PTPRT: variants seen among roughly 807,000 people sequenced by gnomAD.
PTPRT encodes protein tyrosine phosphatase receptor type T, also known as receptor-type tyrosine-protein phosphatase T.
In PTPRT, 56 loss-of-function variants were observed where a neutral mutation model predicts 176.8. The ratio of observed to expected loss-of-function variants is 0.32; its 90% CI spans 0.26 to 0.40. The LOEUF is 0.40. Among genes scored for constraint, PTPRT ranks in the 10% least tolerant of loss-of-function variants. PTPRT has a pLI of 1.00. For missense variants in PTPRT, 1,540 were observed against 1,908.2 expected (o/e 0.81, Z 3.60); for synonymous variants, 783 against 739.0 (o/e 1.06, Z -0.96).
At chr20:42,229,578 G>A (rs367776708) in intron 15 of PTPRT, among the ~76,000 whole-genome samples, 1 of 152,204 alleles carries the variant, frequency 6.6e-6, no homozygotes, top group Non-Finnish European at 1.5e-5. Context: ...CTGATGATGT[G>A]AAAAGGCATT....
chr20:43,160,889 G>A (rs2014675252), intron 1 of PTPRT, among the ~76,000 whole-genome samples: 1 of 151,150 alleles, frequency 6.6e-6, no homozygotes, highest in African/African-American at 2.4e-5. Context: ...ATTCACCAAG[G>A]TGGACACTTA....
chr20:42,912,552 T>C (rs1479190457), intron 1 of PTPRT, among the ~76,000 whole-genome samples: 1 of 152,208 alleles, frequency 6.6e-6, no homozygotes, highest in African/African-American at 2.4e-5. Context: ...TAAATACAAA[T>C]CATTTCCCAC....
intron 11 of PTPRT, among the ~76,000 whole-genome samples, chr20:42,321,533 G>C (rs1488016158): frequency 6.6e-6 from 1 of 152,180 alleles, no homozygotes; most frequent in Admixed American, 6.5e-5. Flanking sequence ...ACTGATTTGA[G>C]TCATTCCAAT....
chr20:42,835,400 G>A lies in PTPRT; in HGVS notation c.215-43934C>T, dbSNP rs536824721. On this transcript the variant is annotated intron_variant, in intron 2 of 30. Transcript: ENST00000373187. ...CTTGGGAAGGTTTGTAAGTGAGGAC[G>A]TACAAGGAAGCTTCCAGAGAACTCA... Among the ~76,000 whole-genome samples the A allele has an allele frequency of 4.6e-5, 7 of 152,308 alleles. No individual in the cohort carries two copies. In the South Asian group the frequency reaches 6.2e-4, roughly 14 times the overall value.
intron 17 of PTPRT, among the ~76,000 whole-genome samples, chr20:42,153,484 C>T (rs1989220578): frequency 1.3e-5 from 2 of 152,100 alleles, no homozygotes; most frequent in Non-Finnish European, 2.9e-5. Context: ...GAAAATTGCT[C>T]ACTTGGTTGG....
intron 1 of PTPRT, among the ~76,000 whole-genome samples, chr20:43,186,209 A>C (rs1255964131): frequency 2.6e-5 from 4 of 152,228 alleles, no homozygotes; most frequent in African/African-American, 9.6e-5. Context: ...GGGAGCTGAG[A>C]AGGTAAATGA....
intron 7 of PTPRT, among the ~76,000 whole-genome samples, chr20:42,667,633 TAGA>T (rs1196153264): frequency 2.6e-5 from 4 of 152,222 alleles, no homozygotes; most frequent in African/African-American, 7.2e-5. Context: ...CCCTGAAATT[TAGA>T]AGAAGTTGAG....
the PTPRT span, among the ~76,000 whole-genome samples, chr20:42,059,199 G>A: frequency 6.6e-6 from 1 of 152,128 alleles, no homozygotes; most frequent in Non-Finnish European, 1.5e-5. Flanking sequence ...CAGAGTCCGG[G>A]TCTCCTGTCT....
intron 7 of PTPRT, among the ~76,000 whole-genome samples, chr20:42,536,994 C>T (rs180986135): frequency 1.3e-5 from 2 of 152,084 alleles, no homozygotes; most frequent in East Asian, 1.9e-4. Flanking sequence ...CATGATATAT[C>T]TCTTGTGTGA....
chr20:42,446,621 T>TGTGAGAGA (rs1491165117), intron 9 of PTPRT, among the ~76,000 whole-genome samples: 41 of 130,162 alleles, frequency 3.1e-4, no homozygotes, highest in African/African-American at 1.1e-3. Context: ...TGTGTGTGTG[T>TGTGAGAGA]GAGAGAGAGA....
intron 7 of PTPRT, among the ~76,000 whole-genome samples, chr20:42,626,427 C>T (rs2074290400): frequency 6.6e-6 from 1 of 152,176 alleles, no homozygotes; most frequent in South Asian, 2.1e-4. Context: ...AGGATGTCTG[C>T]CCTATTCAGT....
Position 42,465,905 on chromosome 20 carries a change from A to G in PTPRT, c.1450+6361T>C, listed in dbSNP as rs368781105. ...GTATTAAGCCCCATATGCATTAACT[A>G]TTTATCCTGATGCTCTCCCTCCCCA... On this transcript the variant is annotated intron_variant, in intron 8 of 30. Coordinates refer to ENST00000373187, the MANE Select transcript of PTPRT (RefSeq NM_007050.6). Among the ~76,000 whole-genome samples the G allele has an allele frequency of 2.9e-3, 435 of 152,220 alleles. 19 individuals are homozygous for G. In the South Asian group the frequency reaches 0.085, roughly 30 times the overall value.
intron 18 of PTPRT, among the ~76,000 whole-genome samples, chr20:42,138,782 T>C (rs950504310): frequency 5.9e-5 from 9 of 152,228 alleles, no homozygotes; most frequent in Non-Finnish European, 8.8e-5. Context: ...CTGTCTCTAT[T>C]ACTAAATTCT....
chr20:42,724,873 G>T lies in PTPRT; in HGVS notation c.859+31589C>A, dbSNP rs187468185. On this transcript the variant is annotated intron_variant, in intron 6 of 30. Transcript: ENST00000373187. ...CCTGCCTCCCTCTTTTATACCCCTT[G>T]TGATTACAGTGGGCCCAGATAAATC... Among the ~76,000 whole-genome samples, 1,418 of 151,782 alleles carry T rather than the reference G, an allele frequency of 9.3e-3. 4 individuals are homozygous for T. The highest frequency in any genetic ancestry group is 0.014 in the Non-Finnish European group (917 of 67,890).
chr20:42,385,590 T>C (rs547256919), intron 9 of PTPRT, among the ~76,000 whole-genome samples: 4 of 152,318 alleles, frequency 2.6e-5, no homozygotes, highest in Non-Finnish European at 4.4e-5. Context: ...TCTGTTCTCA[T>C]GCTAATAAAG....
At chr20:42,167,521 C>T (rs6030024) in intron 16 of PTPRT, among the ~76,000 whole-genome samples, 1 of 152,196 alleles carries the variant, frequency 6.6e-6, no homozygotes, top group Non-Finnish European at 1.5e-5. Flanking sequence ...TAGTTCCTTA[C>T]CAGTATCAAT....
chr20:42,036,803 A>G, the PTPRT span, among the ~76,000 whole-genome samples: 1 of 152,190 alleles, frequency 6.6e-6, no homozygotes, highest in Non-Finnish European at 1.5e-5. Flanking sequence ...GCTTGTGACA[A>G]GGAGAGCAGA....
At chr20:43,172,462 T>G (rs2015025235) in intron 1 of PTPRT, among the ~76,000 whole-genome samples, 2 of 152,230 alleles carry the variant, frequency 1.3e-5, no homozygotes, top group South Asian at 4.1e-4. Context: ...CATCCTGATT[T>G]GTCTCAAACA....
chr20:42,196,959 G>A (rs1991242674), intron 16 of PTPRT, among the ~76,000 whole-genome samples: 1 of 152,182 alleles, frequency 6.6e-6, no homozygotes, highest in Admixed American at 6.5e-5. Context: ...AGGATGTAAA[G>A]GGAAGTACGT....
Sources: allele counts gnomAD v4.1 joint callset (sites outside exome capture counted in the v4.1 genomes callset), GRCh38; gene constraint gnomAD v4.1.1; transcripts MANE v1.5; gene names NCBI Gene and HGNC (gene_info 2026-07-23, HGNC 2026-07-21).